Variants in FAM3B observed in about 807,000 individuals in gnomAD.
The protein encoded by FAM3B is FAM3 metabolism regulating signaling molecule B, also known as protein FAM3B.
Under a neutral mutation model 28.4 loss-of-function variants are expected in FAM3B, and 29 were observed. The observed-to-expected ratio is 1.02, with a 90% CI of 0.76 to 1.39. The LOEUF is 1.39. Among genes scored for constraint, FAM3B ranks in the 40% most tolerant of loss-of-function variants. The pLI, the probability that FAM3B is intolerant of heterozygous loss-of-function variation, is 0.00. For missense variants in FAM3B, 266 were observed against 293.9 expected (o/e 0.91, Z 0.69); for synonymous variants, 91 against 103.0 (o/e 0.88, Z 0.71).
intron 1 of FAM3B, among the ~76,000 whole-genome samples, chr21:41,310,717 T>C (rs2838007): frequency 0.21 from 31,622 of 152,038 alleles, 3,719 homozygotes; most frequent in East Asian, 0.52. Flanking sequence ...GAGAGCCTCT[T>C]GCTTTCCACG....
chr21:41,338,846 G>A (rs933564945), intron 3 of FAM3B, among the ~76,000 whole-genome samples: 42 of 152,234 alleles, frequency 2.8e-4, no homozygotes, highest in Non-Finnish European at 5.9e-5. Flanking sequence ...CAGTATTGAT[G>A]CAGTGAAAGG....
chr21:41,341,194 A>G (rs1223270215), intron 3 of FAM3B, among the ~76,000 whole-genome samples: 1 of 152,182 alleles, frequency 6.6e-6, no homozygotes, highest in Non-Finnish European at 1.5e-5. Context: ...CATTTCTTTT[A>G]TTGATATGTG....
intron 7 of FAM3B, among the ~76,000 whole-genome samples, chr21:41,353,101 A>C (rs1025012889): frequency 3.3e-5 from 5 of 152,228 alleles, no homozygotes; most frequent in Admixed American, 2.0e-4. Context: ...CTAGGAATAA[A>C]GTTAACGTAG....
chr21:41,357,328 T>C lies in FAM3B; in HGVS notation c.*131T>C, dbSNP rs1343107253. 4.2e-6 allele frequency: 2 copies of C among 481,506 alleles called. No individual in the cohort carries two copies. The highest frequency in any genetic ancestry group is 4.0e-5 in the African/African-American group (2 of 49,822). The allele number at this position is 481,506 out of a possible 1,614,324, so 29.8% of individuals were successfully genotyped here. A position where few individuals can be genotyped will look rare whatever the true frequency, so the allele number is the denominator to read the frequency against. ...TGGGTTTGTTGTAAACCAATGAACA[T>C]TTGCTAGTTGTATCAAATCTTGGTA... is the stretch of plus-strand genomic sequence containing the variant. On this transcript the variant is annotated 3_prime_UTR_variant, in exon 8 of 8. Coordinates refer to ENST00000357985, the MANE Select transcript of FAM3B (RefSeq NM_058186.4).
chr21:41,334,851 C>T (rs1236288678), intron 2 of FAM3B, among the ~76,000 whole-genome samples: 2 of 152,222 alleles, frequency 1.3e-5, no homozygotes, highest in Admixed American at 6.5e-5. Flanking sequence ...TGAGAACAGC[C>T]TCAGGGACTG....
chr21:41,357,240 C>A lies in FAM3B; in HGVS notation c.*43C>A. 3 of 1,341,600 alleles carry A rather than the reference C, an allele frequency of 2.2e-6. No homozygotes were observed. The highest frequency in any genetic ancestry group is 3.1e-6 in the Non-Finnish European group (3 of 953,568). The allele number at this position is 1,341,600 out of a possible 1,614,324, so 83.1% of individuals were successfully genotyped here. ...TAAATGTGTTCTGTATAAACAAATG[C>A]AGCTGGAATCGCTCAAGAATCTTAT... On this transcript the variant is annotated 3_prime_UTR_variant, in exon 8 of 8. Coordinates refer to ENST00000357985, the MANE Select transcript of FAM3B (RefSeq NM_058186.4).
intron 4 of FAM3B, among the ~76,000 whole-genome samples, chr21:41,345,153 G>A (rs1226070216): frequency 6.6e-6 from 1 of 152,190 alleles, no homozygotes; most frequent in Admixed American, 6.5e-5. Flanking sequence ...GAAGTGGGCA[G>A]GCTGAGGGGG....
At chr21:41,304,353 G>A (rs779607653) in intron 1 of FAM3B, 25 of 454,696 alleles carry the variant, frequency 5.5e-5, no homozygotes, top group African/African-American at 1.0e-4. Flanking sequence ...AAGGATGGAC[G>A]GGGCAGGACG....
intron 1 of FAM3B, among the ~76,000 whole-genome samples, chr21:41,308,741 G>A (rs559325824): frequency 2.1e-4 from 32 of 152,136 alleles, no homozygotes; most frequent in Middle Eastern, 3.4e-3. Flanking sequence ...GTTTCGCCAT[G>A]CTGGTCAGGC....
At chr21:41,349,396 C>G (rs1158079367) in intron 7 of FAM3B, among the ~76,000 whole-genome samples, 1 of 152,182 alleles carries the variant, frequency 6.6e-6, no homozygotes, top group East Asian at 1.9e-4. Context: ...GTAACCGGTG[C>G]TGCAGTAACC....
chr21:41,336,154 A>G (rs1333368901), intron 2 of FAM3B, among the ~76,000 whole-genome samples: 2 of 152,208 alleles, frequency 1.3e-5, no homozygotes, highest in Non-Finnish European at 2.9e-5. Context: ...ACAAGGTGCA[A>G]TCTATGAGAA....
rs1168140562 is a variant in FAM3B, at chr21:41,311,251, A to AATATATAT, written n.99+6980_99+6987dup. 1.8e-3 allele frequency among the ~76,000 whole-genome samples: 64 copies of AATATATAT among 35,052 alleles called. 3 individuals are homozygous for AATATATAT. The highest frequency in any genetic ancestry group is 2.2e-3 in the Non-Finnish European group (47 of 21,168). The allele number at this position is 35,052 out of a possible 152,430, so 23.0% of individuals were successfully genotyped here. ...CCTGTCTCTACAAAAAAAAAAAAAA[A>AATATATAT]ATATATATATATATATATATATATA... On this transcript the variant is annotated intron_variant and non_coding_transcript_variant, in intron 1 of 9. Coordinates refer to the FAM3B transcript ENST00000479810.
intron 1 of FAM3B, chr21:41,304,362 C>T (rs1171224594): frequency 8.8e-6 from 4 of 453,726 alleles, no homozygotes; most frequent in Non-Finnish European, 1.8e-5. Flanking sequence ...CGGGGCAGGA[C>T]GCTGCCGCCT....
rs988998992 is a variant in FAM3B, at chr21:41,316,859, G to A, written c.-21G>A. On this transcript the variant is annotated 5_prime_UTR_variant, in exon 1 of 8. Transcript: ENST00000357985. The stretch of plus-strand genomic sequence containing the variant: ...GCCTGGGAGCTGCCGCCAGGGCCAG[G>A]AGGGGAGCGGCACCTGGAAGATGCG... 7.0e-7 allele frequency: 1 copy of A among 1,430,126 alleles called. No homozygotes were observed. Among genetic ancestry groups the A allele is most frequent in the Non-Finnish European group, 9.1e-7 (1 of 1,094,710 alleles). The allele number at this position is 1,430,126 out of a possible 1,614,324, so 88.6% of individuals were successfully genotyped here. A position where few individuals can be genotyped will look rare whatever the true frequency, so the allele number is the denominator to read the frequency against.
chr21:41,328,504 A>G (rs889560540), intron 2 of FAM3B, among the ~76,000 whole-genome samples: 1 of 152,138 alleles, frequency 6.6e-6, no homozygotes, highest in Non-Finnish European at 1.5e-5. Context: ...GACTGACCAA[A>G]AAAAAAAACA....
chr21:41,343,221 C>T (rs965820158), intron 3 of FAM3B, among the ~76,000 whole-genome samples: 6 of 152,222 alleles, frequency 3.9e-5, no homozygotes, highest in African/African-American at 1.4e-4. Context: ...CACTTCCTTA[C>T]ACACCTTTTC....
At chr21:41,316,959 C>G in intron 1 of FAM3B, 61 bp downstream of exon 1, 1 of 1,254,706 alleles carries the variant, frequency 8.0e-7, no homozygotes, top group Non-Finnish European at 1.0e-6. Context: ...CCAGGGGAAG[C>G]GTCGCTCCCC....
intron 2 of FAM3B, 110 bp downstream of exon 2, chr21:41,323,176 A>C: frequency 7.0e-7 from 1 of 1,418,758 alleles, no homozygotes; most frequent in Non-Finnish European, 9.6e-7. Flanking sequence ...GCTTTATATC[A>C]GGAAGGAGGA....
intron 2 of FAM3B, among the ~76,000 whole-genome samples, chr21:41,329,812 C>A (rs928363743): frequency 6.6e-6 from 1 of 152,032 alleles, no homozygotes; most frequent in African/African-American, 2.4e-5. Context: ...TCAGGTGATC[C>A]GCCCACCTCA....
Sources: gnomAD v4.1 joint callset for allele counts (sites outside exome capture counted in the v4.1 genomes callset) on GRCh38, gnomAD v4.1.1 for gene constraint, MANE v1.5 for transcripts, NCBI Gene and HGNC (gene_info 2026-07-23, HGNC 2026-07-21) for gene names.